Variants in JAK2 observed in about 807,000 individuals in gnomAD.
JAK2 encodes Janus kinase 2, also known as tyrosine-protein kinase JAK2.
JAK2 carries 86 observed loss-of-function variants against 139.3 expected under a neutral mutation model. The observed-to-expected ratio is 0.62, with a 90% CI of 0.52 to 0.74. JAK2 has a LOEUF of 0.74. JAK2 is among the 30% of genes least tolerant of loss of function. JAK2 has a pLI of 0.00. For missense variants in JAK2, 1,421 were observed against 1,360.3 expected, an observed-to-expected ratio of 1.04 and a Z score of -0.70; for synonymous variants, 490 against 437.7, an observed-to-expected ratio of 1.12 and a Z score of -1.49.
intron 21 of JAK2, 70 bp from the exon 22 acceptor site, chr9:5,090,669 T>G: frequency 1.3e-6 from 2 of 1,523,222 alleles, no homozygotes; most frequent in South Asian, 2.6e-5. Context: ...AAAGGGAATA[T>G]ATAGGGTTAA....
At chr9:4,987,385 C>A (rs539924094) in intron 2 of JAK2, among the ~76,000 whole-genome samples, 1 of 152,228 alleles carries the variant, frequency 6.6e-6, no homozygotes, top group African/African-American at 2.4e-5. Context: ...TAGGAAAGTG[C>A]ATTGGCTTTG....
chr9:5,012,868 C>T (rs545244602), intron 2 of JAK2, among the ~76,000 whole-genome samples: 2 of 152,094 alleles, frequency 1.3e-5, no homozygotes, highest in South Asian at 4.2e-4. Context: ...AGGGTGGCTC[C>T]TGTGGGAGAT....
intron 14 of JAK2, among the ~76,000 whole-genome samples, chr9:5,075,049 A>G (rs1819217247): frequency 6.6e-6 from 1 of 152,242 alleles, no homozygotes; most frequent in South Asian, 2.1e-4. Context: ...CATTCCCTTG[A>G]GCCAAAGCCC....
intron 2 of JAK2, among the ~76,000 whole-genome samples, chr9:4,997,489 A>C (rs1483215719): frequency 6.6e-6 from 1 of 152,148 alleles, no homozygotes; most frequent in Non-Finnish European, 1.5e-5. Context: ...ATCTTGCAAG[A>C]ACTCAGTATC....
chr9:4,990,324 A>C (rs1028693446), intron 2 of JAK2, among the ~76,000 whole-genome samples: 2 of 152,230 alleles, frequency 1.3e-5, no homozygotes, highest in Non-Finnish European at 2.9e-5. Flanking sequence ...CTAGTTAATG[A>C]CAAAGAAACT....
chr9:5,117,983 T>G (rs1194726184), intron 22 of JAK2, among the ~76,000 whole-genome samples: 1 of 152,250 alleles, frequency 6.6e-6, no homozygotes, highest in African/African-American at 2.4e-5. Flanking sequence ...AATTGATAGC[T>G]AATTTTTTTC....
intron 11 of JAK2, among the ~76,000 whole-genome samples, chr9:5,069,433 CATA>C (rs1314717661): frequency 1.3e-5 from 2 of 152,092 alleles, no homozygotes; most frequent in African/African-American, 4.8e-5. Context: ...AGATTTTAAA[CATA>C]ATGTGTGGTA....
At chr9:5,013,046 T>G (rs890862638) in intron 2 of JAK2, among the ~76,000 whole-genome samples, 19 of 152,358 alleles carry the variant, frequency 1.2e-4, no homozygotes, top group Admixed American at 1.2e-3. Flanking sequence ...TACATATTGA[T>G]GGACTGGATA....
chr9:5,023,289 G>C (rs911441698), intron 3 of JAK2, among the ~76,000 whole-genome samples: 2 of 152,216 alleles, frequency 1.3e-5, no homozygotes, highest in Middle Eastern at 3.4e-3. Context: ...TATTTCACTC[G>C]ACATAATGAC....
At chr9:4,997,490 A>G (rs1204091404) in intron 2 of JAK2, among the ~76,000 whole-genome samples, 2 of 152,108 alleles carry the variant, frequency 1.3e-5, no homozygotes, top group Non-Finnish European at 2.9e-5. Flanking sequence ...TCTTGCAAGA[A>G]CTCAGTATCT....
chr9:5,021,171 A>G (rs1163049249), intron 2 of JAK2, among the ~76,000 whole-genome samples: 1 of 151,754 alleles, frequency 6.6e-6, no homozygotes, highest in Non-Finnish European at 1.5e-5. Context: ...AGGCTGCCCC[A>G]CTTCCCTCTC....
At chr9:5,121,281 C>A (rs1273469403) in intron 22 of JAK2, among the ~76,000 whole-genome samples, 1 of 152,128 alleles carries the variant, frequency 6.6e-6, no homozygotes, top group Non-Finnish European at 1.5e-5. Flanking sequence ...GGAAATCTCA[C>A]CCTTTTATAT....
At chr9:5,041,115 C>G (rs1816471232) in intron 4 of JAK2, 15 of 848,766 alleles carry the variant, frequency 1.8e-5, no homozygotes. Flanking sequence ...ACCTTCACGC[C>G]CAAGACGGTG....
At chr9:4,987,173 G>T (rs1819992944) in intron 2 of JAK2, among the ~76,000 whole-genome samples, 1 of 152,210 alleles carries the variant, frequency 6.6e-6, no homozygotes, top group African/African-American at 2.4e-5. Flanking sequence ...TTGCTGGCCA[G>T]AAGAGCACAC....
At chr9:5,071,848 T>G (rs1386695908) in intron 12 of JAK2, among the ~76,000 whole-genome samples, 1 of 152,166 alleles carries the variant, frequency 6.6e-6, no homozygotes, top group Non-Finnish European at 1.5e-5. Flanking sequence ...ACAAGCAGCC[T>G]TACTGCAGAG....
chr9:5,033,803 C>A (rs944299130), intron 4 of JAK2, among the ~76,000 whole-genome samples: 1 of 152,158 alleles, frequency 6.6e-6, no homozygotes. Context: ...ATTGTAAAGA[C>A]CATCGAGGCT....
rs193172174 is a variant in JAK2 at position 4,996,403 on chromosome 9, G to T, written c.-26+10381G>T. 8.5e-4 allele frequency among the ~76,000 whole-genome samples: 129 copies of T among 152,072 alleles called. 4 individuals are homozygous for T. In the East Asian group the frequency reaches 0.017, roughly 20 times the overall value. ...GCAGAGGTTGCAGTGAGCTGAGATC[G>T]TGCCATTGCACTCTAGCCTGGGCAA... On this transcript the variant is annotated intron_variant, in intron 2 of 24. Transcript: ENST00000381652.
intron 2 of JAK2, among the ~76,000 whole-genome samples, chr9:5,004,785 A>G (rs548060306): frequency 2.0e-4 from 31 of 152,240 alleles, no homozygotes; most frequent in African/African-American, 6.7e-4. Flanking sequence ...ACACTCACCA[A>G]TGCTTGTTAT....
In JAK2 at chr9:5,080,668, A is replaced by C; in HGVS notation, c.2419A>C (p.Ser807Arg). ...CAGAGCCATCATACGAGATCTTAAC[A>C]GTTTGTTTACTCCAGGTATGTATTT... Reference protein sequence around the residue: ...SFRAIIRDLNSLFTPDYELLT... With the variant: ...SFRAIIRDLNRLFTPDYELLT... The change falls in exon 18 of 25, where the codon AGT (serine) becomes CGT (arginine). Residue 807 changes from serine (S) to arginine (R), a missense_variant. Physicochemically the swap from Ser to Arg is moderately radical, Grantham distance 110 (BLOSUM62 -1). Coordinates refer to ENST00000381652, the MANE Select transcript of JAK2 (RefSeq NM_004972.4). 1 of 1,586,090 alleles carries C rather than the reference A, an allele frequency of 6.3e-7. No homozygotes were observed. The highest frequency in any genetic ancestry group is 1.4e-5 in the African/African-American group (1 of 72,524).
Sources: gnomAD v4.1 joint callset for allele counts (sites outside exome capture counted in the v4.1 genomes callset) on GRCh38, gnomAD v4.1.1 for gene constraint, MANE v1.5 for transcripts, NCBI Gene and HGNC (gene_info 2026-07-23, HGNC 2026-07-21) for gene names.